Variants in RAB30 observed in about 807,000 individuals in gnomAD.
RAB30 encodes the protein ras-related protein Rab-30.
Under a neutral mutation model 25.1 loss-of-function variants are expected in RAB30, and 9 were observed. The ratio of observed to expected loss-of-function variants is 0.36; its 90% CI spans 0.22 to 0.63. The LOEUF is 0.63. Among genes scored for constraint, RAB30 ranks in the 20% least tolerant of loss-of-function variants. The probability of loss-of-function intolerance (pLI) is 0.69; values close to 1 mark genes in which losing one functional copy is unlikely to be tolerated. For synonymous variants in RAB30, 77 were observed against 86.4 expected (o/e 0.89, Z 0.60); for missense variants, 140 against 243.5 (o/e 0.58, Z 2.83).
intron 1 of RAB30, among the ~76,000 whole-genome samples, chr11:83,026,017 C>T (rs1213881051): frequency 1.3e-5 from 2 of 151,982 alleles, no homozygotes; most frequent in African/African-American, 4.8e-5. Context: ...AGTGAGACCC[C>T]CATCTCTTCA....
rs2121426672 is a variant in RAB30, at chr11:82,981,542, A to G, written c.*623T>C. The G allele has an allele frequency of 6.5e-6, 1 of 152,838 alleles. No individual in the cohort carries two copies. The highest frequency in any genetic ancestry group is 2.1e-4 in the South Asian group (1 of 4,826). The allele number at this position is 152,838 out of a possible 1,614,324, so 9.5% of individuals were successfully genotyped here. On this transcript the variant is annotated 3_prime_UTR_variant, in exon 5 of 5. Transcript: ENST00000527633. ...TGAAATAGCGGAATCATTAGCACCA[A>G]AAGGAGTTATGGAGCTTGTATATAT...
chr11:82,976,797 G>C lies in RAB30; in HGVS notation c.*5368C>G, dbSNP rs1378224898. On this transcript the variant is annotated 3_prime_UTR_variant, in exon 5 of 5. Transcript: ENST00000527633. ...TTGCAAGGGTGAAAGTTATTTTGCA[G>C]GTGGAATAATTTGGGCCATAGGCTT... The C allele has an allele frequency of 6.6e-6, 1 of 152,144 alleles. No homozygotes were observed. The highest frequency in any genetic ancestry group is 1.5e-5 in the Non-Finnish European group (1 of 68,024). 9.4% of individuals were successfully genotyped at this position (152,144 alleles called of 1,614,324 possible).
chr11:83,033,055 C>CTTTTTTTTT (rs71463144), intron 1 of RAB30, among the ~76,000 whole-genome samples: 1 of 77,864 alleles, frequency 1.3e-5, no homozygotes, highest in Non-Finnish European at 2.5e-5. Context: ...GCCTCAAATT[C>CTTTTTTTTT]TTTTTTTTTT....
intron 1 of RAB30, among the ~76,000 whole-genome samples, chr11:83,021,297 GTTA>G (rs1188110299): frequency 1.3e-5 from 2 of 152,196 alleles, no homozygotes; most frequent in Non-Finnish European, 2.9e-5. Context: ...TGCTCACCAG[GTTA>G]TGAGTGAAGA....
At chr11:83,002,459 C>A (rs1224613292) in intron 1 of RAB30, among the ~76,000 whole-genome samples, 5 of 151,860 alleles carry the variant, frequency 3.3e-5, no homozygotes. Context: ...ATATCATTGT[C>A]ACCACAATAG....
At chr11:83,064,763 C>A (rs1220353337) in intron 1 of RAB30, among the ~76,000 whole-genome samples, 1 of 152,178 alleles carries the variant, frequency 6.6e-6, no homozygotes, top group Non-Finnish European at 1.5e-5. Context: ...CCAATATCTA[C>A]AACGTGTCAG....
At chr11:83,065,796 C>G (rs1171031381) in intron 1 of RAB30, among the ~76,000 whole-genome samples, 1 of 152,192 alleles carries the variant, frequency 6.6e-6, no homozygotes, top group Non-Finnish European at 1.5e-5. Flanking sequence ...ATTTAAAACA[C>G]ATGATCTCAT....
chr11:83,006,352 C>A (rs916960710), intron 1 of RAB30, among the ~76,000 whole-genome samples: 1 of 152,100 alleles, frequency 6.6e-6, no homozygotes, highest in Admixed American at 6.5e-5. Context: ...ATTAAGGTAG[C>A]CATACAACAA....
Position 82,973,890 on chromosome 11 carries a change from G to A in RAB30, c.*8275C>T, listed in dbSNP as rs183747890. 1.4e-4 allele frequency: 22 copies of A among 152,274 alleles called. No homozygotes were observed. Among genetic ancestry groups the A allele is most frequent in the African/African-American group, 4.8e-4 (20 of 41,558 alleles). The allele number at this position is 152,274 out of a possible 1,614,324, so 9.4% of individuals were successfully genotyped here. A position where few individuals can be genotyped will look rare whatever the true frequency, so the allele number is the denominator to read the frequency against. On this transcript the variant is annotated 3_prime_UTR_variant, in exon 5 of 5. Coordinates refer to ENST00000527633, the MANE Select transcript of RAB30 (RefSeq NM_001286060.2). ...CAAATGATAAATGGACAAATAAAAT[G>A]TGGCATATACATGCAATGGAATATT... is the stretch of plus-strand genomic sequence containing the variant.
intron 3 of RAB30, chr11:82,992,199 A>G (rs945380069): frequency 2.5e-6 from 1 of 400,068 alleles, no homozygotes. Context: ...CCTCCCATCA[A>G]TGCCTCCTGA....
At chr11:83,061,884 G>A (rs1043983546) in intron 1 of RAB30, among the ~76,000 whole-genome samples, 1 of 151,502 alleles carries the variant, frequency 6.6e-6, no homozygotes. Context: ...GGTTTGAAAG[G>A]TTTCGAATTA....
At chr11:83,027,507 G>A (rs1857751963) in intron 1 of RAB30, among the ~76,000 whole-genome samples, 1 of 152,032 alleles carries the variant, frequency 6.6e-6, no homozygotes. Context: ...AACATCAGGG[G>A]AGCCCAACAA....
chr11:83,006,212 T>C (rs1363681586), intron 1 of RAB30, among the ~76,000 whole-genome samples: 1 of 152,134 alleles, frequency 6.6e-6, no homozygotes, highest in Admixed American at 6.5e-5. Flanking sequence ...GACCCAGCAA[T>C]TGCACTTCTA....
intron 1 of RAB30, among the ~76,000 whole-genome samples, chr11:83,013,428 CACTAGGCCTTA>C (rs568355591): frequency 1.6e-3 from 237 of 152,260 alleles, no homozygotes; most frequent in African/African-American, 5.5e-3. Flanking sequence ...CTGTTTCCTC[CACTAGGCCTTA>C]AGGACAGAGG....
At chr11:83,067,542 C>T (rs61902290) in intron 1 of RAB30, among the ~76,000 whole-genome samples, 3,808 of 152,232 alleles carry the variant, frequency 0.025, 72 homozygotes, top group Non-Finnish European at 0.038. Context: ...GTCCTCCCTT[C>T]GGAAAACAAA....
At chr11:83,056,176 C>T (rs925291322) in intron 1 of RAB30, among the ~76,000 whole-genome samples, 2 of 152,214 alleles carry the variant, frequency 1.3e-5, no homozygotes, top group Admixed American at 1.3e-4. Flanking sequence ...AACAGCTTCC[C>T]ACTTCTCTCC....
intron 1 of RAB30, among the ~76,000 whole-genome samples, chr11:83,023,548 C>T (rs964476371): frequency 6.6e-6 from 1 of 152,158 alleles, no homozygotes. Context: ...CATCCTATCT[C>T]CCCTGCACCA....
At chr11:82,991,941 T>A (rs1198158233) in intron 3 of RAB30, among the ~76,000 whole-genome samples, 1 of 152,200 alleles carries the variant, frequency 6.6e-6, no homozygotes, top group Non-Finnish European at 1.5e-5. Flanking sequence ...ATGGAATATT[T>A]ATGCCTGGGA....
chr11:83,047,254 T>C, intron 1 of RAB30, among the ~76,000 whole-genome samples: 1 of 152,138 alleles, frequency 6.6e-6, no homozygotes, highest in Non-Finnish European at 1.5e-5. Context: ...TGGAAAGGCC[T>C]GGAGCTCAGA....
Sources: allele counts gnomAD v4.1 joint callset (sites outside exome capture counted in the v4.1 genomes callset), GRCh38; gene constraint gnomAD v4.1.1; transcripts MANE v1.5; gene names NCBI Gene and HGNC (gene_info 2026-07-23, HGNC 2026-07-21).